Variants in MAU2 observed in about 807,000 individuals in gnomAD.
The protein encoded by MAU2 is MAU2 chromatid cohesion factor homolog.
A neutral mutation model predicts 89.1 loss-of-function variants in MAU2; 9 were observed. The ratio of observed to expected loss-of-function variants is 0.10; its 90% CI spans 0.06 to 0.18. The LOEUF is 0.18. Among genes scored for constraint, MAU2 ranks in the 10% least tolerant of loss-of-function variants. The pLI, the probability that MAU2 is intolerant of heterozygous loss-of-function variation, is 1.00. For missense variants in MAU2, 425 were observed against 803.5 expected (o/e 0.53, Z 5.69); for synonymous variants, 357 against 343.4 (o/e 1.04, Z -0.44).
intron 1 of MAU2, among the ~76,000 whole-genome samples, chr19:19,329,955 A>G (rs1443048282): frequency 6.6e-6 from 1 of 150,852 alleles, no homozygotes; most frequent in Non-Finnish European, 1.5e-5. Context: ...CTGTCTTTTT[A>G]ATTATTTATT....
intron 1 of MAU2, among the ~76,000 whole-genome samples, chr19:19,328,178 A>T (rs770993217): frequency 2.4e-3 from 360 of 150,660 alleles, no homozygotes; most frequent in Non-Finnish European, 3.9e-3. Context: ...AAAAAAAAAA[A>T]TTTTGCAATG....
rs369141674 is a variant in MAU2 at position 19,355,658 on chromosome 19, C to A, written c.1768-50C>A. The A allele has an allele frequency of 3.3e-6, 5 of 1,506,408 alleles. No individual in the cohort carries two copies. The African/African-American group carries it at 5.5e-5, about 17-fold the overall frequency. 93.3% of individuals were successfully genotyped at this position (1,506,408 alleles called of 1,614,324 possible). On this transcript the variant is annotated intron_variant, in intron 18 of 18. Transcript: ENST00000262815. Reference sequence around the variant, plus strand: ...AAGGCAGCATTCCAACCTCTTCTTCCCTGGGAACGGTCCACAGTGCCTCAC... The same window carrying A: ...AAGGCAGCATTCCAACCTCTTCTTCACTGGGAACGGTCCACAGTGCCTCAC...
At chr19:19,351,967 G>C (rs972778045) in intron 16 of MAU2, among the ~76,000 whole-genome samples, 3 of 145,046 alleles carry the variant, frequency 2.1e-5, no homozygotes, top group Non-Finnish European at 4.5e-5. Flanking sequence ...TCCTGCCTCA[G>C]CCTCCCGAGT....
chr19:19,332,847 C>T (rs1289285512), intron 1 of MAU2, among the ~76,000 whole-genome samples: 2 of 152,120 alleles, frequency 1.3e-5, no homozygotes, highest in African/African-American at 2.4e-5. Flanking sequence ...GAGGCTAAGG[C>T]GAGCAGATCA....
chr19:19,352,369 C>T (rs1396633117), intron 16 of MAU2: 1 of 152,188 alleles, frequency 6.6e-6, no homozygotes, highest in Non-Finnish European at 1.5e-5. Context: ...GCCCGCCCAC[C>T]GCAACACACA....
At chr19:19,324,924 GT>G (rs2061492360) in intron 1 of MAU2, among the ~76,000 whole-genome samples, 1 of 151,750 alleles carries the variant, frequency 6.6e-6, no homozygotes, top group Non-Finnish European at 1.5e-5. Flanking sequence ...TTTATTAATT[GT>G]GCATTTTTTC....
chr19:19,326,729 T>C (rs1415528694), intron 1 of MAU2, among the ~76,000 whole-genome samples: 1 of 134,410 alleles, frequency 7.4e-6, no homozygotes, highest in African/African-American at 2.7e-5. Flanking sequence ...TACATATATA[T>C]ATATATACAC....
At chr19:19,348,345 C>G (rs1478064313) in intron 13 of MAU2, 1 of 189,612 alleles carries the variant, frequency 5.3e-6, no homozygotes, top group Non-Finnish European at 1.1e-5. Flanking sequence ...GCCTGGGCGA[C>G]AGAGCAAGAA....
chr19:19,345,019 C>A lies in MAU2; in HGVS notation c.1155+93C>A. 1 of 1,113,544 alleles carries A rather than the reference C, an allele frequency of 9.0e-7. No individual in the cohort carries two copies. The highest frequency in any genetic ancestry group is 1.3e-6 in the Non-Finnish European group (1 of 748,196). The allele number at this position is 1,113,544 out of a possible 1,614,324, so 69.0% of individuals were successfully genotyped here. ...ATCCAGAACATTCCCAGTGAAGGAC[C>A]CCCTGACAGCACCCTAATCAGAATC... On this transcript the variant is annotated intron_variant, in intron 11 of 18. Transcript: ENST00000262815. This position sits in a 1 kb window ranked among gnomAD's most constrained non-coding sequence, Gnocchi z 4.9.
intron 3 of MAU2, 104 bp downstream of exon 3, chr19:19,336,291 CT>C: frequency 6.0e-6 from 5 of 834,890 alleles, no homozygotes; most frequent in South Asian, 1.5e-5. Flanking sequence ...ATCCCTCCGG[CT>C]TTTTTTGTTT....
intron 5 of MAU2, 65 bp from the exon 6 acceptor site, chr19:19,340,781 A>G (rs2061638320): frequency 6.4e-6 from 10 of 1,572,846 alleles, no homozygotes; most frequent in Non-Finnish European, 6.1e-6. Context: ...GCCTTGGGGT[A>G]ATCACAGTCA....
At chr19:19,321,169 C>T in intron 1 of MAU2, 34 bp downstream of exon 1, 1 of 1,548,108 alleles carries the variant, frequency 6.5e-7, no homozygotes, top group Non-Finnish European at 8.7e-7. Context: ...GGAGGAGTCG[C>T]GGGCTCCTTG....
rs1230882014 is a variant in MAU2, at chr19:19,330,902, C to A, written c.277-4816C>A. 2.0e-5 allele frequency among the ~76,000 whole-genome samples: 3 copies of A among 151,968 alleles called. No homozygotes were observed. In the East Asian group the frequency reaches 5.8e-4, roughly 30 times the overall value. ...GGATACCATGTCTAAAAACTACAAT[C>A]AAAAAAAGCCTTTTTTTTAAAAGTT... On this transcript the variant is annotated intron_variant, in intron 1 of 18. Transcript: ENST00000262815.
In MAU2 at chr19:19,345,533, G is replaced by A. The variant is rs538396659; in HGVS notation, c.1221+164G>A. Among the ~76,000 whole-genome samples the A allele has an allele frequency of 1.7e-4, 26 of 152,218 alleles. No homozygotes were observed. Among genetic ancestry groups the A allele is most frequent in the Non-Finnish European group, 3.1e-4 (21 of 68,040 alleles). On this transcript the variant is annotated intron_variant, in intron 12 of 18. Coordinates refer to ENST00000262815, the MANE Select transcript of MAU2 (RefSeq NM_015329.4). This position sits in a 1 kb window ranked among gnomAD's most constrained non-coding sequence, Gnocchi z 4.9. ...AGCCCATGCCAGCCTTGGCAGTGAC[G>A]CGCTGTTTATCTGGATAAGGGACAG...
At chr19:19,322,231 C>T (rs1402548184) in intron 1 of MAU2, among the ~76,000 whole-genome samples, 2 of 152,166 alleles carry the variant, frequency 1.3e-5, no homozygotes, top group Admixed American at 1.3e-4. Flanking sequence ...ATCTCCTGAC[C>T]TCATGATCTG....
rs1453154239 is a variant in MAU2, at chr19:19,342,597, G to T, written c.798G>T (p.Leu266=). ...AGTGCATCCAGACCATCTCCACACT[G>T]CACGATGATGAGATCCTGCCCAGCA... ...LQQCIQTIST[L]HDDEILPSNP... Residue 266 remains leucine (L), a synonymous_variant, in exon 8 of 19, where the codon CTG becomes CTT. Coordinates refer to ENST00000262815, the MANE Select transcript of MAU2 (RefSeq NM_015329.4). 6.2e-7 allele frequency: 1 copy of T among 1,612,806 alleles called. No individual in the cohort carries two copies. Among genetic ancestry groups the T allele is most frequent in the Admixed American group, 1.7e-5 (1 of 59,906 alleles).
At chr19:19,330,235 C>T (rs2061544932) in intron 1 of MAU2, among the ~76,000 whole-genome samples, 2 of 151,762 alleles carry the variant, frequency 1.3e-5, no homozygotes, top group South Asian at 2.1e-4. Context: ...CTGTCTTGGC[C>T]TCCCAAAGTG....
chr19:19,351,271 C>A (rs554368606), intron 16 of MAU2, among the ~76,000 whole-genome samples: 1 of 151,986 alleles, frequency 6.6e-6, no homozygotes, highest in African/African-American at 2.4e-5. Context: ...TGGTCTTGAA[C>A]TCCTGAGCTC....
intron 1 of MAU2, among the ~76,000 whole-genome samples, chr19:19,328,354 C>G (rs1364538917): frequency 6.6e-6 from 1 of 151,876 alleles, no homozygotes; most frequent in African/African-American, 2.4e-5. Context: ...GCAGACAGAT[C>G]CATCTTGGTC....
Sources: gnomAD v4.1 joint callset for allele counts (sites outside exome capture counted in the v4.1 genomes callset) on GRCh38, gnomAD v4.1.1 for gene constraint, Gnocchi (gnomAD v3.1) non-coding constraint, MANE v1.5 for transcripts, NCBI Gene and HGNC (gene_info 2026-07-23, HGNC 2026-07-21) for gene names.